RECQL5: variants seen among roughly 807,000 people sequenced by gnomAD.
RECQL5 encodes ATP-dependent DNA helicase Q5.
In RECQL5, 88 loss-of-function variants were observed where a neutral mutation model predicts 103.4. The observed-to-expected ratio is 0.85, with a 90% CI of 0.72 to 1.02. The LOEUF is 1.02. Ranked by LOEUF, RECQL5 falls within the 50% of genes least tolerant of loss-of-function variation. RECQL5 has a pLI of 0.00. For synonymous variants in RECQL5, 552 were observed against 507.9 expected, an observed-to-expected ratio of 1.09 and a Z score of -1.17; for missense variants, 1,232 against 1,284.3, an observed-to-expected ratio of 0.96 and a Z score of 0.62.
chr17:75,637,725 T>A (rs1380715081), intron 8 of RECQL5: 1 of 152,330 alleles, frequency 6.6e-6, no homozygotes, highest in African/African-American at 2.4e-5. Context: ...GGGCTGGGGC[T>A]GGCCGAGCAC....
At chr17:75,630,906 C>A (rs375802044) in intron 11 of RECQL5, 68 bp downstream of exon 11, 2 of 1,590,002 alleles carry the variant, frequency 1.3e-6, no homozygotes, top group Admixed American at 3.6e-5. Flanking sequence ...CCCCACAGCC[C>A]GGATGAGAAT....
intron 10 of RECQL5, 38 bp from the exon 11 acceptor site, chr17:75,631,048 C>T: frequency 6.2e-7 from 1 of 1,612,126 alleles, no homozygotes; most frequent in Non-Finnish European, 8.5e-7. Flanking sequence ...GGCGTCCTGC[C>T]CTGCCGCAGG....
chr17:75,634,117 G>A (rs921621431), intron 8 of RECQL5: 11 of 985,436 alleles, frequency 1.1e-5, no homozygotes, highest in Non-Finnish European at 9.6e-6. Context: ...GGGGAGCAGC[G>A]GCGCCCACGA....
intron 7 of RECQL5, among the ~76,000 whole-genome samples, chr17:75,653,707 T>A (rs2059582790): frequency 6.6e-6 from 1 of 152,150 alleles, no homozygotes; most frequent in Admixed American, 6.6e-5. Context: ...GAGACCAGCC[T>A]GGCCAATGTG....
Position 75,640,466 on chromosome 17 carries a change from G to GTCCCTTGGCTTCCC in RECQL5, c.1230-8799_1230-8798insGGGAAGCCAAGGGA. 1 of 1,336,794 alleles carries GTCCCTTGGCTTCCC rather than the reference G, an allele frequency of 7.5e-7. No individual in the cohort carries two copies. The highest frequency in any genetic ancestry group is 9.9e-7 in the Non-Finnish European group (1 of 1,005,230). The allele number at this position is 1,336,794 out of a possible 1,614,324, so 82.8% of individuals were successfully genotyped here. On this transcript the variant is annotated intron_variant, in intron 8 of 19. Coordinates refer to ENST00000317905, the MANE Select transcript of RECQL5 (RefSeq NM_004259.7). This position sits in a 1 kb window ranked among gnomAD's most constrained non-coding sequence, Gnocchi z 4.6. ...GAAAACCAGTTGTCCCTTGGGGGAAGCCAAGGGACTTCCCTCATCCTCTGA... is the reference window on the plus strand; with the variant it reads ...GAAAACCAGTTGTCCCTTGGGGGAAGTCCCTTGGCTTCCCCCAAGGGACTTCCCTCATCCTCTGA...
intron 4 of RECQL5, 39 bp downstream of exon 4, chr17:75,662,439 CT>C (rs1223822055): frequency 6.3e-7 from 1 of 1,592,962 alleles, no homozygotes; most frequent in Admixed American, 1.7e-5. Flanking sequence ...TCGCACCCCA[CT>C]GCTCTAACAG....
chr17:75,655,966 G>A (rs2059614266), intron 7 of RECQL5, among the ~76,000 whole-genome samples: 1 of 152,154 alleles, frequency 6.6e-6, no homozygotes, highest in Admixed American at 6.6e-5. Flanking sequence ...ACAGGCAAGA[G>A]CCACTGCTCC....
intron 8 of RECQL5, chr17:75,641,046 C>T: frequency 2.2e-6 from 3 of 1,372,438 alleles, no homozygotes; most frequent in Non-Finnish European, 2.9e-6. Context: ...ACACTGACAA[C>T]TTGAGCCCTA....
rs558101018 is a variant in RECQL5 at position 75,654,432 on chromosome 17, C to G, written c.1150-3167G>C. ...GACTACTCTCCAATATTGTCCTGTG[C>G]CAAGACTTACTCCTGGGTAAGTTTC... On this transcript the variant is annotated intron_variant, in intron 7 of 19. Transcript: ENST00000317905. Among the ~76,000 whole-genome samples the G allele has an allele frequency of 3.3e-4, 51 of 152,250 alleles. No homozygotes were observed. The South Asian group carries it at 6.4e-3, about 19-fold the overall frequency.
chr17:75,663,459 C>T (rs2059725933), intron 3 of RECQL5, among the ~76,000 whole-genome samples: 2 of 152,010 alleles, frequency 1.3e-5, no homozygotes. Context: ...GACCGCAACC[C>T]ATCACATGAG....
rs1370685980 is a variant in RECQL5 at position 75,655,513 on chromosome 17, G to A, written c.1149+2785C>T. 1.4e-4 allele frequency among the ~76,000 whole-genome samples: 21 copies of A among 151,950 alleles called. 1 individual carries two copies. In the South Asian group the frequency reaches 1.9e-3, roughly 14 times the overall value. ...CGAGTAGCTGGGACTACAGGCGCCCGCCACGACGCCCAGCTAATATTTTTG... is the reference window on the plus strand; with the variant it reads ...CGAGTAGCTGGGACTACAGGCGCCCACCACGACGCCCAGCTAATATTTTTG... On this transcript the variant is annotated intron_variant, in intron 7 of 19. Transcript: ENST00000317905.
Position 75,631,152 on chromosome 17 carries a change from T to C in RECQL5, c.1546A>G (p.Lys516Glu). 1 of 1,613,752 alleles carries C rather than the reference T, an allele frequency of 6.2e-7. No individual in the cohort carries two copies. The highest frequency in any genetic ancestry group is 8.5e-7 in the Non-Finnish European group (1 of 1,179,956). ...GGCCACTGAGTGCCTCCCCTCACCT[T>C]GCGCAGCTGCATCTGCTTCTGATAG... Reference protein sequence around the residue: ...LFYQKQMQLRKGKDPKIEEFV... With the variant: ...LFYQKQMQLREGKDPKIEEFV... The change falls in exon 10 of 20, where the codon AAG (lysine) becomes GAG (glutamate). Residue 516 changes from lysine (K) to glutamate (E), a missense_variant and splice_region_variant. Transcript: ENST00000317905.
chr17:75,630,615 T>A lies in RECQL5; in HGVS notation c.1718+4A>T, dbSNP rs746275727. The A allele has an allele frequency of 3.7e-6, 6 of 1,613,392 alleles. No homozygotes were observed. Among genetic ancestry groups the A allele is most frequent in the Non-Finnish European group, 5.1e-6 (6 of 1,179,612 alleles). On this transcript the variant is annotated splice_donor_region_variant and intron_variant, in intron 13 of 19. Coordinates refer to ENST00000317905, the MANE Select transcript of RECQL5 (RefSeq NM_004259.7). Reference sequence around the variant, plus strand: ...CTCCTCAGCCCAGTGATCGTGGAACTCACTCATCAGCGGTACGTGTTGACT... The same window carrying A: ...CTCCTCAGCCCAGTGATCGTGGAACACACTCATCAGCGGTACGTGTTGACT...
chr17:75,630,593 C>A, intron 13 of RECQL5, 26 bp downstream of exon 13: 1 of 1,612,334 alleles, frequency 6.2e-7, no homozygotes, highest in Non-Finnish European at 8.5e-7. Context: ...TGGAGTGCTC[C>A]TCAGCCCAGT....
rs1010965019 is a variant in RECQL5, at chr17:75,628,231, T to G, written c.2792A>C (p.Lys931Thr). The part of the protein sequence containing the change: ...KCLTPFYKEG[K>T]FASKELFKGF... ...CACTCCCCCTACCTTGGAAGCAAAC[T>G]TGCCCTCCTTGTAGAAAGGGGTGAG... Residue 931 changes from lysine to threonine, a missense_variant, in exon 18 of 20, where the codon AAG (lysine) becomes ACG (threonine). Transcript: ENST00000317905. 3.7e-6 allele frequency: 6 copies of G among 1,611,924 alleles called. No homozygotes were observed. Among genetic ancestry groups the G allele is most frequent in the Admixed American group, 3.3e-5 (2 of 59,946 alleles).
chr17:75,640,881 A>T lies in RECQL5; in HGVS notation c.1230-9213T>A. 6.5e-7 allele frequency: 1 copy of T among 1,545,992 alleles called. No homozygotes were observed. The highest frequency in any genetic ancestry group is 1.2e-5 in the South Asian group (1 of 84,058). On this transcript the variant is annotated intron_variant, in intron 8 of 19. Coordinates refer to ENST00000317905, the MANE Select transcript of RECQL5 (RefSeq NM_004259.7). The surrounding 1 kb of genome is among the most constrained non-coding windows in gnomAD (Gnocchi z 4.6). ...CGGAGAGGCAGGAAGGTCCAGGTGC[A>T]GCCGACACCACCATGACGGACGGGC... is the stretch of plus-strand genomic sequence containing the variant.
At chr17:75,652,172 A>C (rs564777468) in intron 7 of RECQL5, among the ~76,000 whole-genome samples, 1 of 152,290 alleles carries the variant, frequency 6.6e-6, no homozygotes, top group Non-Finnish European at 1.5e-5. Flanking sequence ...GGCTGCAGTG[A>C]GCTGAGATCG....
rs114980690 is a variant in RECQL5, at chr17:75,650,906, C to G, written c.1229+280G>C. On this transcript the variant is annotated intron_variant, in intron 8 of 19. Coordinates refer to ENST00000317905, the MANE Select transcript of RECQL5 (RefSeq NM_004259.7). ...TCAGAGCTGGTCACATCCCTTGGAA[C>G]TGAGTGGCTTGTGGGGCCAGCCATC... The G allele has an allele frequency of 2.1e-3, 2,976 of 1,444,814 alleles. 43 individuals are homozygous for G. In the African/African-American group the frequency reaches 0.036, roughly 17 times the overall value. 89.5% of individuals were successfully genotyped at this position (1,444,814 alleles called of 1,614,324 possible).
At chr17:75,659,968 G>A (rs1365572345) in intron 6 of RECQL5, among the ~76,000 whole-genome samples, 1 of 152,214 alleles carries the variant, frequency 6.6e-6, no homozygotes, top group African/African-American at 2.4e-5. Flanking sequence ...AGGAATGATG[G>A]TTCTAAGAGC....
Sources: gnomAD v4.1 joint callset for allele counts (sites outside exome capture counted in the v4.1 genomes callset) on GRCh38, gnomAD v4.1.1 for gene constraint, Gnocchi (gnomAD v3.1) non-coding constraint, MANE v1.5 for transcripts, NCBI Gene and HGNC (gene_info 2026-07-23, HGNC 2026-07-21) for gene names.